The following MCC variants were observed in gnomAD, a reference collection of about 807,000 sequenced individuals.
MCC encodes the protein MCC regulator of Wnt signaling pathway.
In MCC, 90 loss-of-function variants were observed where a neutral mutation model predicts 116.2. The ratio of observed to expected loss-of-function variants is 0.77; its 90% CI spans 0.65 to 0.92. The LOEUF (loss-of-function observed/expected upper bound fraction) is 0.92. Among genes scored for constraint, MCC ranks in the 40% least tolerant of loss-of-function variants. The pLI, the probability that MCC is intolerant of heterozygous loss-of-function variation, is 0.00. For missense variants in MCC, 1,516 were observed against 1,312.2 expected (o/e 1.16, Z -2.40); for synonymous variants, 578 against 510.5 (o/e 1.13, Z -1.78).
intron 6 of MCC, among the ~76,000 whole-genome samples, chr5:113,119,269 A>G (rs1198623325): frequency 1.3e-5 from 2 of 152,218 alleles, no homozygotes; most frequent in African/African-American, 4.8e-5. Context: ...CACAAACACA[A>G]TCCATCCTCA....
At chr5:113,447,553 C>G (rs1045490191) in intron 1 of MCC, among the ~76,000 whole-genome samples, 2 of 152,148 alleles carry the variant, frequency 1.3e-5, no homozygotes, top group African/African-American at 4.8e-5. Context: ...TCTAGTCCGA[C>G]CACCTCCTTT....
At chr5:113,224,030 C>T (rs1763644599) in intron 3 of MCC, among the ~76,000 whole-genome samples, 1 of 152,154 alleles carries the variant, frequency 6.6e-6, no homozygotes, top group African/African-American at 2.4e-5. Context: ...CTTTTACAAA[C>T]AATAACTCAA....
Position 113,022,924 on chromosome 5 carries a change from AAC to A in MCC, c.*4376_*4377del, listed in dbSNP as rs1336739046. 2.0e-5 allele frequency: 3 copies of A among 151,836 alleles called. No individual in the cohort carries two copies. Among genetic ancestry groups the A allele is most frequent in the Non-Finnish European group, 4.4e-5 (3 of 67,888 alleles). 9.4% of individuals were successfully genotyped at this position (151,836 alleles called of 1,614,324 possible). A position where few individuals can be genotyped will look rare whatever the true frequency, so the allele number is the denominator to read the frequency against. On this transcript the variant is annotated 3_prime_UTR_variant, in exon 19 of 19. Coordinates refer to ENST00000408903, the MANE Select transcript of MCC (RefSeq NM_001085377.2). ...TCACCCAGATGTAATGTGATAAACA[AAC>A]AGTTTACCCAGTGTAACCTTTAAGC...
chr5:113,357,437 G>T (rs2150384056), intron 2 of MCC, among the ~76,000 whole-genome samples: 1 of 152,328 alleles, frequency 6.6e-6, no homozygotes, highest in South Asian at 2.1e-4. Flanking sequence ...TCAGGCATGA[G>T]CAGGGCAGAA....
intron 16 of MCC, chr5:113,048,792 G>A (rs191953929): frequency 3.0e-4 from 150 of 497,800 alleles, no homozygotes; most frequent in African/African-American, 2.6e-3. Context: ...TGTGACAGAG[G>A]ATTAGACGAA....
At chr5:113,395,679 G>T (rs1025500002) in intron 1 of MCC, among the ~76,000 whole-genome samples, 2 of 152,018 alleles carry the variant, frequency 1.3e-5, no homozygotes, top group African/African-American at 4.8e-5. Context: ...CTTAACCTTG[G>T]CAAAATAAAC....
chr5:113,232,421 G>A (rs1320836880), intron 3 of MCC, among the ~76,000 whole-genome samples: 1 of 152,032 alleles, frequency 6.6e-6, no homozygotes, highest in Non-Finnish European at 1.5e-5. Context: ...ATAGCAACAG[G>A]CCATGTGAGT....
intron 3 of MCC, among the ~76,000 whole-genome samples, chr5:113,309,149 C>G (rs138722586): frequency 1.1e-3 from 171 of 152,332 alleles, no homozygotes; most frequent in African/African-American, 4.0e-3. Flanking sequence ...CCCCCAACTC[C>G]TTTACCACTC....
At chr5:113,398,952 G>A (rs1769604981) in intron 1 of MCC, among the ~76,000 whole-genome samples, 1 of 152,050 alleles carries the variant, frequency 6.6e-6, no homozygotes, top group African/African-American at 2.4e-5. Flanking sequence ...CTAGTCACAG[G>A]TGGCTGTTTA....
At chr5:113,458,867 C>T (rs147626623) in intron 1 of MCC, among the ~76,000 whole-genome samples, 662 of 152,280 alleles carry the variant, frequency 4.3e-3, no homozygotes, top group Middle Eastern at 0.024. Context: ...TTAGGGGCCT[C>T]CAATTGACCA....
intron 1 of MCC, among the ~76,000 whole-genome samples, chr5:113,470,804 C>T (rs935277895): frequency 6.6e-6 from 1 of 152,144 alleles, no homozygotes; most frequent in Non-Finnish European, 1.5e-5. Context: ...CTCCCTGTCA[C>T]TTTCAGGTAT....
intron 3 of MCC, among the ~76,000 whole-genome samples, chr5:113,328,578 G>GA (rs1033300769): frequency 5.3e-5 from 8 of 152,172 alleles, no homozygotes; most frequent in African/African-American, 2.4e-5. Context: ...ATGCATCTCT[G>GA]ATAGATGCCT....
intron 14 of MCC, among the ~76,000 whole-genome samples, chr5:113,054,856 A>G (rs990526606): frequency 3.9e-5 from 6 of 152,210 alleles, no homozygotes; most frequent in Non-Finnish European, 8.8e-5. Flanking sequence ...GCACCACTGG[A>G]AAACGGAGGC....
At chr5:113,261,051 A>G (rs1765202235) in intron 3 of MCC, among the ~76,000 whole-genome samples, 1 of 152,172 alleles carries the variant, frequency 6.6e-6, no homozygotes. Context: ...TAATATACAG[A>G]AAGTTGTCGA....
chr5:113,181,936 C>T (rs1260478186), intron 3 of MCC, among the ~76,000 whole-genome samples: 2 of 152,108 alleles, frequency 1.3e-5, no homozygotes, highest in East Asian at 3.9e-4. Context: ...GACCCCATTC[C>T]CTATCAGGTG....
intron 3 of MCC, among the ~76,000 whole-genome samples, chr5:113,330,422 A>T (rs1767671055): frequency 6.6e-6 from 1 of 152,242 alleles, no homozygotes; most frequent in South Asian, 2.1e-4. Flanking sequence ...TCAAATACAA[A>T]GATGCAAAGA....
At chr5:113,356,856 C>T (rs963040674) in intron 2 of MCC, among the ~76,000 whole-genome samples, 2 of 152,228 alleles carry the variant, frequency 1.3e-5, no homozygotes, top group African/African-American at 2.4e-5. Context: ...GTCCACCACA[C>T]TAAGGACCAG....
intron 6 of MCC, among the ~76,000 whole-genome samples, chr5:113,108,038 C>T (rs1469934649): frequency 6.6e-6 from 1 of 152,166 alleles, no homozygotes; most frequent in Non-Finnish European, 1.5e-5. Flanking sequence ...CTGCCCACCA[C>T]TACTGTAAGG....
At position 113,027,291 on chromosome 5, in the gene MCC, G is replaced by T; in HGVS notation, c.*11C>A. On this transcript the variant is annotated 3_prime_UTR_variant, in exon 19 of 19. Coordinates refer to ENST00000408903, the MANE Select transcript of MCC (RefSeq NM_001085377.2). ...CTTCCCATGGGCAGAACTCCGGTGC[G>T]TGAGTGCTGATTAAAGCGAAGTTTC... is the stretch of plus-strand genomic sequence containing the variant. 6.2e-7 allele frequency: 1 copy of T among 1,613,724 alleles called. No homozygotes were observed. The highest frequency in any genetic ancestry group is 8.5e-7 in the Non-Finnish European group (1 of 1,179,740).
Sources: allele counts gnomAD v4.1 joint callset (sites outside exome capture counted in the v4.1 genomes callset), GRCh38; gene constraint gnomAD v4.1.1; transcripts MANE v1.5; gene names NCBI Gene and HGNC (gene_info 2026-07-23, HGNC 2026-07-21).